The following DNMT1 variants were observed in gnomAD, a reference collection of about 807,000 sequenced individuals.
DNMT1 encodes DNA methyltransferase 1.
Under a neutral mutation model 205.3 loss-of-function variants are expected in DNMT1, and 24 were observed. The observed-to-expected ratio is 0.12, with a 90% CI of 0.08 to 0.16. DNMT1 has a LOEUF of 0.16. Among genes scored for constraint, DNMT1 ranks in the 10% least tolerant of loss-of-function variants. The pLI is 1.00. For synonymous variants in DNMT1, 817 were observed against 839.8 expected (o/e 0.97, Z 0.47); for missense variants, 1,293 against 2,177.7 (o/e 0.59, Z 8.09).
chr19:10,159,658 C>G lies in DNMT1; in HGVS notation c.1280G>C (p.Ser427Thr). The change falls in exon 17 of 41, where the codon AGT becomes ACT. Residue 427 changes from serine (S) to threonine (T), a missense_variant and splice_region_variant. Ser to Thr is a moderately conservative substitution (Grantham distance 58, BLOSUM62 1). Coordinates refer to ENST00000359526, the MANE Select transcript of DNMT1 (RefSeq NM_001130823.3). This position sits in a 1 kb window ranked among gnomAD's most constrained non-coding sequence, Gnocchi z 5.0. ...ALPQHKLTCF[S>T]VYCKHGHLCP... ...AACATGCACACGAAAGTGCACTTAC[C>G]TGAAGCAGGTCAGTTTGTGCTGGGG... 1 of 1,614,204 alleles carries G rather than the reference C, an allele frequency of 6.2e-7. No homozygotes were observed. The highest frequency in any genetic ancestry group is 8.5e-7 in the Non-Finnish European group (1 of 1,180,030).
In DNMT1 at chr19:10,194,931, G is replaced by A; in HGVS notation, c.-32C>T. Reference sequence around the variant, plus strand: ...GGCTTCAGCAGACGCGGCGGCGGCAGCGCAGGCGCCCCGGCTTTTCGCGCG... The same window carrying A: ...GGCTTCAGCAGACGCGGCGGCGGCAACGCAGGCGCCCCGGCTTTTCGCGCG... On this transcript the variant is annotated 5_prime_UTR_variant, in exon 1 of 41. Transcript: ENST00000359526. The A allele has an allele frequency of 1.9e-6, 3 of 1,588,838 alleles. No individual in the cohort carries two copies. Among genetic ancestry groups the A allele is most frequent in the African/African-American group, 2.7e-5 (2 of 74,118 alleles).
At chr19:10,163,443 A>C in intron 11 of DNMT1, 83 bp from the exon 12 acceptor site, 1 of 1,421,802 alleles carries the variant, frequency 7.0e-7, no homozygotes, top group Non-Finnish European at 9.9e-7. Context: ...AAATGCAAAC[A>C]CTGAAGTTAC....
intron 34 of DNMT1, among the ~76,000 whole-genome samples, chr19:10,139,317 T>G (rs528746168): frequency 6.6e-6 from 1 of 152,284 alleles, no homozygotes; most frequent in Admixed American, 6.5e-5. Flanking sequence ...TCTGCGCACC[T>G]CACTTCCCCT....
chr19:10,160,498 G>C (rs1568238937), intron 13 of DNMT1, 80 bp from the exon 14 acceptor site: 2 of 1,482,462 alleles, frequency 1.3e-6, no homozygotes, highest in Non-Finnish European at 1.9e-6. Context: ...TAAGAACTTT[G>C]TATAAGTGAT....
At position 10,149,510 on chromosome 19, in the gene DNMT1, A is replaced by G; in HGVS notation, c.2529T>C (p.Tyr843=). 1.9e-6 allele frequency: 3 copies of G among 1,614,112 alleles called. No homozygotes were observed. Among genetic ancestry groups the G allele is most frequent in the African/African-American group, 1.3e-5 (1 of 75,018 alleles). ...VDECEDMQLS[Y]IHSKVKVIYK... is the part of the protein sequence containing the mutation. ...AGATGACTTTCACTTTGCTGTGGAT[A>G]TATGAAAGCTGCATGTCCTCACATT... Residue 843 remains tyrosine, a synonymous_variant, in exon 26 of 41, where the codon TAT becomes TAC. Transcript: ENST00000359526.
intron 8 of DNMT1, among the ~76,000 whole-genome samples, chr19:10,173,407 A>T (rs567459431): frequency 6.6e-6 from 1 of 152,282 alleles, no homozygotes; most frequent in Admixed American, 6.5e-5. Context: ...ACTTGAATCT[A>T]AACGCTAATG....
chr19:10,150,389 C>T (rs2145296137), intron 24 of DNMT1, among the ~76,000 whole-genome samples: 1 of 152,326 alleles, frequency 6.6e-6, no homozygotes, highest in Non-Finnish European at 1.5e-5. Flanking sequence ...ACTGCCACCT[C>T]AGTGCAGCTC....
At chr19:10,155,173 C>G (rs1599366766) in intron 19 of DNMT1, 117 bp from the exon 20 acceptor site, 16 of 1,375,632 alleles carry the variant, frequency 1.2e-5, no homozygotes, top group Non-Finnish European at 1.5e-5. Context: ...CATCCCGTAC[C>G]CAAATGTCAG....
chr19:10,135,817 C>A lies in DNMT1; in HGVS notation c.4692G>T (p.Val1564=), dbSNP rs1228967587. Residue 1564 remains valine (V), a synonymous_variant, in exon 39 of 41, where the codon GTG becomes GTT. Transcript: ENST00000359526. ...RVLHPEQHRV[V]SVRECARSQG... ...GGGAGCGGGCACACTCCCGCACGCT[C>A]ACCACACGGTGCTGCTCTGGGTGGA... is the stretch of plus-strand genomic sequence containing the variant. 5.7e-6 allele frequency: 9 copies of A among 1,570,284 alleles called. No homozygotes were observed. The Admixed American group carries it at 1.5e-4, about 26-fold the overall frequency.
intron 5 of DNMT1, among the ~76,000 whole-genome samples, chr19:10,179,599 G>A (rs766347559): frequency 2.0e-5 from 3 of 152,114 alleles, no homozygotes; most frequent in Non-Finnish European, 4.4e-5. Context: ...TTACTAGTGA[G>A]GATGCGTACA....
chr19:10,143,694 C>T, intron 29 of DNMT1, 72 bp downstream of exon 29: 1 of 1,571,846 alleles, frequency 6.4e-7, no homozygotes, highest in Non-Finnish European at 8.7e-7. Context: ...GGTGCTATGC[C>T]ACAACCTTGT....
rs535111502 is a variant in DNMT1 at position 10,156,669 on chromosome 19, G to A, written c.1281-160C>T. Among the ~76,000 whole-genome samples the A allele has an allele frequency of 6.6e-6, 1 of 152,258 alleles. No homozygotes were observed. The highest frequency in any genetic ancestry group is 6.5e-5 in the Admixed American group (1 of 15,288). The stretch of plus-strand genomic sequence containing the variant: ...GTCTTGCTCTATCCCTCAGGCTGGA[G>A]CGCGATGGCATAATCTTGGCTCACT... On this transcript the variant is annotated intron_variant, in intron 17 of 40. Transcript: ENST00000359526. The surrounding 1 kb of genome is among the most constrained non-coding windows in gnomAD (Gnocchi z 4.2).
chr19:10,186,039 T>C (rs1054421320), intron 1 of DNMT1, among the ~76,000 whole-genome samples: 2 of 151,986 alleles, frequency 1.3e-5, no homozygotes, highest in Non-Finnish European at 1.5e-5. Flanking sequence ...GACTTCTCAG[T>C]CACGCCGCTG....
Position 10,135,229 on chromosome 19 carries a change from A to G in DNMT1, c.4773+507T>C, listed in dbSNP as rs878952502. On this transcript the variant is annotated intron_variant, in intron 39 of 40. Transcript: ENST00000359526. ...CTCCATCTCAAAAAAAAAAAAAAAA[A>G]AGAGAGAGTGGCTGCTTCCCGAGAA... Among the ~76,000 whole-genome samples, 677 of 150,446 alleles carry G rather than the reference A, an allele frequency of 4.5e-3. 4 individuals are homozygous for G. Among genetic ancestry groups the G allele is most frequent in the Non-Finnish European group, 4.5e-3 (305 of 67,634 alleles).
intron 7 of DNMT1, among the ~76,000 whole-genome samples, chr19:10,175,246 T>A (rs2038917109): frequency 6.6e-6 from 1 of 151,982 alleles, no homozygotes; most frequent in East Asian, 1.9e-4. Context: ...CACAATCTTG[T>A]GAGCCAATTT....
intron 2 of DNMT1, among the ~76,000 whole-genome samples, chr19:10,181,103 G>A (rs772419081): frequency 6.6e-6 from 1 of 152,142 alleles, no homozygotes; most frequent in Non-Finnish European, 1.5e-5. Context: ...TGGGAAAGCT[G>A]GAGGTGAGAT....
At position 10,173,033 on chromosome 19, in the gene DNMT1, T is replaced by A. The variant is rs780712131; in HGVS notation, c.768+57A>T. The A allele has an allele frequency of 3.7e-6, 6 of 1,602,244 alleles. 1 individual carries two copies. In the South Asian group the frequency reaches 6.6e-5, roughly 18 times the overall value. ...CCTGTCCCCACGTCCTGGAAGGAAA[T>A]TGGGACCATATAGGATTAAGGGAGA... On this transcript the variant is annotated intron_variant, in intron 9 of 40. Coordinates refer to ENST00000359526, the MANE Select transcript of DNMT1 (RefSeq NM_001130823.3).
At chr19:10,134,681 C>G (rs1886555121) in intron 39 of DNMT1, among the ~76,000 whole-genome samples, 1 of 151,850 alleles carries the variant, frequency 6.6e-6, no homozygotes, top group South Asian at 2.1e-4. Flanking sequence ...TGGTGAAACC[C>G]CGTCTCTACT....
chr19:10,148,495 C>CAAAAAAAAAAAA (rs1222064600), intron 27 of DNMT1, among the ~76,000 whole-genome samples: 1 of 58,538 alleles, frequency 1.7e-5, no homozygotes, highest in African/African-American at 6.7e-5. Context: ...GACTCCGTCT[C>CAAAAAAAAAAAA]AAAAAAAAAA....
Sources: allele counts gnomAD v4.1 joint callset (sites outside exome capture counted in the v4.1 genomes callset), GRCh38; gene constraint gnomAD v4.1.1; non-coding constraint Gnocchi (gnomAD v3.1); transcripts MANE v1.5; gene names NCBI Gene and HGNC (gene_info 2026-07-23, HGNC 2026-07-21).